TTLL6: variants seen among roughly 807,000 people sequenced by gnomAD.
TTLL6 encodes the protein tubulin polyglutamylase TTLL6.
TTLL6 carries 75 observed loss-of-function variants against 96.4 expected under a neutral mutation model. The observed-to-expected ratio is 0.78, with a 90% CI of 0.65 to 0.94. The LOEUF (loss-of-function observed/expected upper bound fraction) is 0.94. Ranked by LOEUF, TTLL6 falls within the 40% of genes least tolerant of loss-of-function variation. The probability of loss-of-function intolerance (pLI) is 0.00; values close to 1 mark genes in which losing one functional copy is unlikely to be tolerated. For synonymous variants in TTLL6, 411 were observed against 419.4 expected (o/e 0.98, Z 0.24); for missense variants, 1,030 against 1,093.0 (o/e 0.94, Z 0.81).
chr17:48,805,935 C>A (rs1165177242), intron 1 of TTLL6, among the ~76,000 whole-genome samples: 1 of 152,168 alleles, frequency 6.6e-6, no homozygotes, highest in African/African-American at 2.4e-5. Flanking sequence ...CACAGAGAAA[C>A]CCTGTCTCTA....
intron 8 of TTLL6, 94 bp from the exon 9 acceptor site, chr17:48,791,697 A>G: frequency 2.7e-6 from 3 of 1,091,196 alleles, no homozygotes; most frequent in Non-Finnish European, 4.0e-6. Flanking sequence ...TGGCGGAGAC[A>G]AGGCTCCAGA....
chr17:48,786,429 G>C, intron 11 of TTLL6, 94 bp from the exon 12 acceptor site: 1 of 1,461,668 alleles, frequency 6.8e-7, no homozygotes, highest in East Asian at 2.3e-5. Context: ...TGGGCGAAAA[G>C]TTAGCAAGTT....
At chr17:48,791,244 A>G (rs758763971) in intron 9 of TTLL6, 134 bp downstream of exon 9, 7 of 733,682 alleles carry the variant, frequency 9.5e-6, no homozygotes, top group Non-Finnish European at 1.6e-5. Context: ...GAGAAGCCCC[A>G]GGCAGCAGGC....
chr17:48,792,667 T>C (rs1597986025), intron 8 of TTLL6, among the ~76,000 whole-genome samples: 1 of 152,138 alleles, frequency 6.6e-6, no homozygotes, highest in South Asian at 2.1e-4. Flanking sequence ...CTCAGGACCA[T>C]TCAGGGAGTC....
At chr17:48,797,695 G>GAGA (rs1257073757) in intron 6 of TTLL6, among the ~76,000 whole-genome samples, 4 of 148,984 alleles carry the variant, frequency 2.7e-5, no homozygotes, top group African/African-American at 7.4e-5. Context: ...GCTGAGGCAG[G>GAGA]AGAATCACTT....
At chr17:48,806,750 G>C (rs537530529) in intron 1 of TTLL6, among the ~76,000 whole-genome samples, 1 of 152,126 alleles carries the variant, frequency 6.6e-6, no homozygotes, top group African/African-American at 2.4e-5. Context: ...TAAGCATAAG[G>C]CCAAGCACGC....
chr17:48,785,513 C>G (rs569386452), intron 12 of TTLL6, among the ~76,000 whole-genome samples: 1 of 152,076 alleles, frequency 6.6e-6, no homozygotes. Context: ...TTGAATAATA[C>G]GAAACAAAAA....
chr17:48,817,104 G>A lies in TTLL6; in HGVS notation c.-32C>T, dbSNP rs1292208232. 2 of 1,508,402 alleles carry A rather than the reference G, an allele frequency of 1.3e-6. No individual in the cohort carries two copies. The highest frequency in any genetic ancestry group is 4.2e-5 in the Admixed American group (2 of 47,194). 93.4% of individuals were successfully genotyped at this position (1,508,402 alleles called of 1,614,324 possible). On this transcript the variant is annotated 5_prime_UTR_variant, in exon 1 of 16. Transcript: ENST00000393382. ...CCAGACAGCCCCAACCCCAACCCGC[G>A]CTCGCCCTAACTTTGGGTCCGCCCG...
At chr17:48,789,898 A>T (rs1036282271) in intron 10 of TTLL6, 33 bp downstream of exon 10, 1 of 1,606,982 alleles carries the variant, frequency 6.2e-7, no homozygotes, top group Non-Finnish European at 8.5e-7. Flanking sequence ...AGTCAGAGAG[A>T]GAGCCCCGCA....
At position 48,791,439 on chromosome 17, in the gene TTLL6, C is replaced by T. The variant is rs549570800; in HGVS notation, c.1163G>A (p.Cys388Tyr). 6.2e-7 allele frequency: 1 copy of T among 1,614,190 alleles called. No homozygotes were observed. The highest frequency in any genetic ancestry group is 1.3e-5 in the African/African-American group (1 of 75,036). Residue 388 changes from cysteine to tyrosine, a missense_variant, in exon 9 of 16, where the codon TGC becomes TAC. By Grantham distance (194) the Cys-to-Tyr change is radical. Coordinates refer to ENST00000393382, the MANE Select transcript of TTLL6 (RefSeq NM_001130918.3). The part of the protein sequence containing the change: ...CFPNHTLNSA[C>Y]FEILGFDILL... Reference sequence around the variant, plus strand: ...AATGTCAAAGCCCAGGATCTCAAAGCAGGCGCTGTTGAGTGTGTGGTTGGG... The same window carrying T: ...AATGTCAAAGCCCAGGATCTCAAAGTAGGCGCTGTTGAGTGTGTGGTTGGG...
chr17:48,798,515 C>G (rs1395858115), intron 6 of TTLL6, among the ~76,000 whole-genome samples: 1 of 151,976 alleles, frequency 6.6e-6, no homozygotes, highest in Non-Finnish European at 1.5e-5. Flanking sequence ...TGCAGTGAGC[C>G]GAGATTGCAC....
At chr17:48,814,595 C>A (rs1169512726) in intron 1 of TTLL6, among the ~76,000 whole-genome samples, 2 of 152,140 alleles carry the variant, frequency 1.3e-5, no homozygotes, top group African/African-American at 2.4e-5. Flanking sequence ...AAATGTCCTA[C>A]ATTGGCCACC....
At position 48,804,997 on chromosome 17, in the gene TTLL6, G is replaced by A; in HGVS notation, c.104-6C>T. The A allele has an allele frequency of 6.5e-7, 1 of 1,549,430 alleles. No individual in the cohort carries two copies. Among genetic ancestry groups the A allele is most frequent in the Middle Eastern group, 1.7e-4 (1 of 5,810 alleles). ...TCTGGGGAAATACCAGGCCCCTAGA[G>A]AGAGGGCAGAGGGAGCCGCAGTTAC... On this transcript the variant is annotated splice_region_variant and splice_polypyrimidine_tract_variant and intron_variant, in intron 1 of 15. Coordinates refer to ENST00000393382, the MANE Select transcript of TTLL6 (RefSeq NM_001130918.3).
Position 48,794,068 on chromosome 17 carries a change from G to A in TTLL6, c.998+1993C>T, listed in dbSNP as rs144642996. The A allele has an allele frequency of 4.2e-5, 58 of 1,367,576 alleles. 1 individual carries two copies. In the African/African-American group the frequency reaches 5.6e-4, roughly 13 times the overall value. 84.7% of individuals were successfully genotyped at this position (1,367,576 alleles called of 1,614,324 possible). A position where few individuals can be genotyped will look rare whatever the true frequency, so the allele number is the denominator to read the frequency against. The stretch of plus-strand genomic sequence containing the variant: ...CAGGCTGAGCCCAGCAAGGGCAGGC[G>A]GAGGCCACGGGGGCACACGGCTGCT... On this transcript the variant is annotated intron_variant, in intron 8 of 15. Transcript: ENST00000393382.
At chr17:48,793,213 A>T (rs931278059) in intron 8 of TTLL6, among the ~76,000 whole-genome samples, 1 of 152,168 alleles carries the variant, frequency 6.6e-6, no homozygotes. Flanking sequence ...TGAGAAGAAG[A>T]TTGTCTCAAA....
At chr17:48,763,823 CAAACAAAA>C (rs1291075781) in intron 15 of TTLL6, among the ~76,000 whole-genome samples, 6 of 151,500 alleles carry the variant, frequency 4.0e-5, no homozygotes, top group African/African-American at 1.5e-4. Flanking sequence ...AACAAACAAA[CAAACAAAA>C]AAACAGAAAG....
At chr17:48,787,067 G>A (rs1430912836) in intron 11 of TTLL6, among the ~76,000 whole-genome samples, 1 of 152,070 alleles carries the variant, frequency 6.6e-6, no homozygotes, top group Non-Finnish European at 1.5e-5. Flanking sequence ...CTGACCTCGT[G>A]ATCCACCTGC....
intron 13 of TTLL6, among the ~76,000 whole-genome samples, chr17:48,774,746 A>T (rs12150249): frequency 0.32 from 48,076 of 151,974 alleles, 7,938 homozygotes; most frequent in Admixed American, 0.41. Flanking sequence ...TACTTTTTTT[A>T]AATTGAATTT....
chr17:48,794,505 C>T (rs1265086392), intron 8 of TTLL6, among the ~76,000 whole-genome samples: 3 of 152,124 alleles, frequency 2.0e-5, no homozygotes, highest in Non-Finnish European at 2.9e-5. Context: ...TGGCAAGTGT[C>T]GGAGCCGGGA....
Sources: gnomAD v4.1 joint callset for allele counts (sites outside exome capture counted in the v4.1 genomes callset) on GRCh38, gnomAD v4.1.1 for gene constraint, MANE v1.5 for transcripts, NCBI Gene and HGNC (gene_info 2026-07-23, HGNC 2026-07-21) for gene names.